Variants in PHTF1 observed in about 807,000 individuals in gnomAD.
PHTF1 encodes protein PHTF1.
Under a neutral mutation model 102.4 loss-of-function variants are expected in PHTF1, and 88 were observed. The ratio of observed to expected loss-of-function variants is 0.86; its 90% CI spans 0.72 to 1.03. The LOEUF (loss-of-function observed/expected upper bound fraction) is 1.03, where lower values mean the gene tolerates loss of function less well. PHTF1 is among the 50% of genes least tolerant of loss of function. The pLI is 0.00. For synonymous variants in PHTF1, 289 were observed against 305.2 expected, an observed-to-expected ratio of 0.95 and a Z score of 0.55; for missense variants, 814 against 909.5, an observed-to-expected ratio of 0.89 and a Z score of 1.35.
At chr1:113,758,069 G>A (rs1659143297) in intron 2 of PHTF1, among the ~76,000 whole-genome samples, 1 of 151,972 alleles carries the variant, frequency 6.6e-6, no homozygotes, top group South Asian at 2.1e-4. Context: ...CCAACATGGT[G>A]AAACCCCGTC....
intron 4 of PHTF1, 34 bp downstream of exon 4, chr1:113,738,696 A>T (rs761679100): frequency 5.6e-6 from 7 of 1,254,268 alleles, no homozygotes; most frequent in Non-Finnish European, 8.0e-6. Context: ...GAAATAATAT[A>T]ATAATGTACA....
At chr1:113,756,590 A>C (rs917063858) in intron 3 of PHTF1, among the ~76,000 whole-genome samples, 27 of 152,126 alleles carry the variant, frequency 1.8e-4, no homozygotes, top group African/African-American at 6.5e-4. Context: ...AGGGCCAAGG[A>C]TGGTTCTTTA....
At chr1:113,743,332 C>A (rs546775208) in intron 3 of PHTF1, among the ~76,000 whole-genome samples, 8 of 151,884 alleles carry the variant, frequency 5.3e-5, no homozygotes, top group Non-Finnish European at 1.0e-4. Context: ...TTGTCTCCCA[C>A]CTCCATATCT....
intron 13 of PHTF1, 72 bp downstream of exon 13, chr1:113,705,818 G>C (rs761075917): frequency 3.4e-6 from 4 of 1,171,414 alleles, no homozygotes; most frequent in Non-Finnish European, 4.9e-6. Flanking sequence ...ACCAAATCAA[G>C]AGAACAAAAG....
chr1:113,758,741 T>C lies in PHTF1; in HGVS notation c.-30-8A>G. The C allele has an allele frequency of 1.2e-6, 2 of 1,602,752 alleles. No individual in the cohort carries two copies. Among genetic ancestry groups the C allele is most frequent in the African/African-American group, 2.7e-5 (2 of 74,430 alleles). Reference sequence around the variant, plus strand: ...CCAGAGAATGGGATTTCACTGAAAATGAAGGAAAACCAATCGGTGAGTCCA... The same window carrying C: ...CCAGAGAATGGGATTTCACTGAAAACGAAGGAAAACCAATCGGTGAGTCCA... On this transcript the variant is annotated splice_region_variant and splice_polypyrimidine_tract_variant and intron_variant, in intron 1 of 18. Transcript: ENST00000369604.
chr1:113,732,432 G>T (rs958382472), intron 5 of PHTF1, among the ~76,000 whole-genome samples: 1 of 151,598 alleles, frequency 6.6e-6, no homozygotes, highest in Middle Eastern at 3.2e-3. Flanking sequence ...GGAGGCAGAG[G>T]TTGCAGTGAG....
chr1:113,730,149 A>T (rs1459994626), intron 5 of PHTF1, among the ~76,000 whole-genome samples: 1 of 152,182 alleles, frequency 6.6e-6, no homozygotes, highest in African/African-American at 2.4e-5. Flanking sequence ...GGGGACCCCC[A>T]AACTGGAGGC....
chr1:113,699,634 AAT>A (rs1423751264), intron 17 of PHTF1, 68 bp downstream of exon 17: 1 of 747,766 alleles, frequency 1.3e-6, no homozygotes, highest in African/African-American at 1.8e-5. Flanking sequence ...TCTGCCATTT[AAT>A]GTTTTCTTAG....
At chr1:113,708,384 C>T (rs1022735678) in intron 11 of PHTF1, among the ~76,000 whole-genome samples, 4 of 152,132 alleles carry the variant, frequency 2.6e-5, no homozygotes, top group Non-Finnish European at 4.4e-5. Flanking sequence ...CCAGTACTTT[C>T]GGAGGCCGAG....
At chr1:113,706,484 G>C (rs1236834264) in intron 12 of PHTF1, 110 bp downstream of exon 12, 2 of 708,380 alleles carry the variant, frequency 2.8e-6, no homozygotes, top group Non-Finnish European at 4.4e-6. Context: ...TGATATATAT[G>C]TGCTTCAAAA....
chr1:113,711,674 C>G, intron 10 of PHTF1, 72 bp downstream of exon 10: 1 of 1,150,982 alleles, frequency 8.7e-7, no homozygotes, highest in African/African-American at 1.5e-5. Context: ...TTTAGGGCAA[C>G]CAATAAAAAA....
At position 113,700,925 on chromosome 1, in the gene PHTF1, G is replaced by A. The variant is rs1344369810; in HGVS notation, c.1915C>T (p.Leu639=). 5 of 1,610,980 alleles carry A rather than the reference G, an allele frequency of 3.1e-6. No individual in the cohort carries two copies. Among genetic ancestry groups the A allele is most frequent in the Non-Finnish European group, 4.2e-6 (5 of 1,179,070 alleles). Residue 639 remains leucine, a synonymous_variant, in exon 16 of 19, where the codon CTG becomes TTG. Coordinates refer to ENST00000369604, the MANE Select transcript of PHTF1 (RefSeq NM_001323043.2). ...AACTCCCAGTTATAAGCATCATTCA[G>A]GAAAGTTTTATGTCCTTGGAGAACC... ...AQVLQGHKTF[L]NDAYNWEFLI...
intron 5 of PHTF1, among the ~76,000 whole-genome samples, chr1:113,731,120 G>T (rs1387336953): frequency 6.6e-6 from 1 of 151,926 alleles, no homozygotes; most frequent in East Asian, 1.9e-4. Context: ...TATACTTAAT[G>T]CCACTGAACT....
chr1:113,745,790 G>A (rs1657139179), intron 3 of PHTF1, among the ~76,000 whole-genome samples: 1 of 152,154 alleles, frequency 6.6e-6, no homozygotes, highest in African/African-American at 2.4e-5. Flanking sequence ...ACCCCCAGAT[G>A]GGACTGTCTA....
chr1:113,719,704 A>G (rs1334419299), intron 7 of PHTF1, among the ~76,000 whole-genome samples: 4 of 152,054 alleles, frequency 2.6e-5, no homozygotes, highest in Non-Finnish European at 5.9e-5. Flanking sequence ...AGCGCTCCAA[A>G]CTGTTCCAAC....
rs535855574 is a variant in PHTF1, at chr1:113,759,239, C to T, written c.-247G>A. Reference sequence around the variant, plus strand: ...CGCCCTGAGGGCGGCAAATCGATCGCCGGTCAGAGGCCGCCTACAGGGTCA... The same window carrying T: ...CGCCCTGAGGGCGGCAAATCGATCGTCGGTCAGAGGCCGCCTACAGGGTCA... On this transcript the variant is annotated 5_prime_UTR_variant, in exon 1 of 19. Transcript: ENST00000369604. 11 of 217,892 alleles carry T rather than the reference C, an allele frequency of 5.0e-5. No homozygotes were observed. In the South Asian group the frequency reaches 1.5e-3, roughly 29 times the overall value. 13.5% of individuals were successfully genotyped at this position (217,892 alleles called of 1,614,324 possible). A position where few individuals can be genotyped will look rare whatever the true frequency, so the allele number is the denominator to read the frequency against.
At chr1:113,706,810 C>A (rs1650266453) in intron 11 of PHTF1, 88 bp from the exon 12 acceptor site, 10 of 729,212 alleles carry the variant, frequency 1.4e-5, no homozygotes, top group South Asian at 1.2e-4. Flanking sequence ...TTTGCCAACA[C>A]TCTAATAACC....
At chr1:113,704,516 T>C (rs1320701957) in intron 14 of PHTF1, 150 bp downstream of exon 14, 11 of 583,100 alleles carry the variant, frequency 1.9e-5, no homozygotes, top group South Asian at 5.6e-5. Context: ...TGCAGAGAGA[T>C]GACATCCAAC....
At chr1:113,735,605 T>G (rs1472574500) in intron 5 of PHTF1, among the ~76,000 whole-genome samples, 1 of 152,096 alleles carries the variant, frequency 6.6e-6, no homozygotes, top group Non-Finnish European at 1.5e-5. Context: ...TGACACTAAC[T>G]ACATTTTGAA....
Sources: allele counts gnomAD v4.1 joint callset (sites outside exome capture counted in the v4.1 genomes callset), GRCh38; gene constraint gnomAD v4.1.1; transcripts MANE v1.5; gene names NCBI Gene and HGNC (gene_info 2026-07-23, HGNC 2026-07-21).